Variants in HERC1 observed in about 807,000 individuals in gnomAD.
HERC1 encodes the protein HECT and RLD domain containing E3 ubiquitin protein ligase family member 1.
In HERC1, 160 loss-of-function variants were observed where a neutral mutation model predicts 554.3. The observed-to-expected ratio is 0.29, with a 90% confidence interval of 0.25 to 0.33. The LOEUF (loss-of-function observed/expected upper bound fraction) is 0.33, where lower values mean the gene tolerates loss of function less well. Ranked by LOEUF, HERC1 falls within the 10% of genes least tolerant of loss-of-function variation. The pLI, the probability that HERC1 is intolerant of heterozygous loss-of-function variation, is 1.00. For missense variants in HERC1, 4,919 were observed against 5,918.5 expected (o/e 0.83, Z 5.54); for synonymous variants, 2,175 against 2,131.7 (o/e 1.02, Z -0.56).
At chr15:63,664,758 C>T (rs550652753) in intron 42 of HERC1, among the ~76,000 whole-genome samples, 164 bp from the exon 43 acceptor site, 26 of 152,252 alleles carry the variant, frequency 1.7e-4, no homozygotes, top group Non-Finnish European at 3.1e-4. Flanking sequence ...TTCAATTATG[C>T]ATATAACATT....
In HERC1 at chr15:63,729,478, A is replaced by G. The variant is rs768189763; in HGVS notation, c.3021+19T>C. The G allele has an allele frequency of 1.7e-5, 28 of 1,609,402 alleles. No homozygotes were observed. The Admixed American group carries it at 2.0e-4, about 12-fold the overall frequency. On this transcript the variant is annotated intron_variant, in intron 15 of 77. Coordinates refer to ENST00000443617, the MANE Select transcript of HERC1 (RefSeq NM_003922.4). ...CAAGGTCCCTGATAGATCACCATAAAAGACAAATAATCGCATACCTCACTA... is the reference window on the plus strand; with the variant it reads ...CAAGGTCCCTGATAGATCACCATAAGAGACAAATAATCGCATACCTCACTA...
chr15:63,639,316 T>C (rs1293147033), intron 61 of HERC1, among the ~76,000 whole-genome samples: 1 of 152,260 alleles, frequency 6.6e-6, no homozygotes, highest in Admixed American at 6.5e-5. Flanking sequence ...CAAATACTTA[T>C]CACTGTTACA....
chr15:63,752,824 G>A, intron 8 of HERC1, 134 bp downstream of exon 8: 1 of 851,986 alleles, frequency 1.2e-6, no homozygotes, highest in East Asian at 2.7e-5. Flanking sequence ...TCAAACAGAA[G>A]AAGATATTTC....
intron 57 of HERC1, among the ~76,000 whole-genome samples, chr15:63,644,315 C>T (rs985959244): frequency 1.3e-5 from 2 of 152,222 alleles, no homozygotes; most frequent in Non-Finnish European, 2.9e-5. Context: ...TGCGATCTGA[C>T]TGGCCACTCA....
intron 24 of HERC1, among the ~76,000 whole-genome samples, chr15:63,708,874 C>A (rs1000616477): frequency 1.3e-5 from 2 of 152,226 alleles, no homozygotes; most frequent in Admixed American, 1.3e-4. Flanking sequence ...AAGCTGAAGG[C>A]TTAGCCCAGG....
chr15:63,626,862 C>A (rs1380521771), intron 70 of HERC1, among the ~76,000 whole-genome samples: 1 of 152,172 alleles, frequency 6.6e-6, no homozygotes, highest in East Asian at 1.9e-4. Flanking sequence ...CTTCTATGTG[C>A]CTGGCACTAT....
chr15:63,657,985 T>C (rs1430105075), intron 48 of HERC1, among the ~76,000 whole-genome samples: 1 of 152,236 alleles, frequency 6.6e-6, no homozygotes, highest in East Asian at 1.9e-4. Flanking sequence ...AACTCTCTTC[T>C]GTACTATCCT....
In HERC1 at chr15:63,824,002, T is replaced by C. The variant is rs2077795872; in HGVS notation, c.-27+9825A>G. On this transcript the variant is annotated intron_variant, in intron 1 of 77. Transcript: ENST00000443617. ...TTTTAAGACGGGCAAATGACTTGAA[T>C]AGATATTTCTCCAAATAGGACATAA... Among the ~76,000 whole-genome samples the C allele has an allele frequency of 3.3e-5, 5 of 152,094 alleles. No individual in the cohort carries two copies. In the South Asian group the frequency reaches 1.0e-3, roughly 31 times the overall value.
intron 24 of HERC1, among the ~76,000 whole-genome samples, chr15:63,708,100 T>C (rs1266363727): frequency 1.3e-5 from 2 of 152,128 alleles, no homozygotes; most frequent in Admixed American, 1.3e-4. Context: ...AAGTATTATA[T>C]ATTCTTGGAC....
intron 1 of HERC1, among the ~76,000 whole-genome samples, chr15:63,778,790 A>G (rs2076189482): frequency 6.6e-6 from 1 of 152,236 alleles, no homozygotes; most frequent in Admixed American, 6.5e-5. Flanking sequence ...TAAATTTTAC[A>G]TTTATCAATT....
intron 53 of HERC1, among the ~76,000 whole-genome samples, chr15:63,650,349 G>T (rs1007317886): frequency 6.6e-6 from 1 of 152,040 alleles, no homozygotes; most frequent in Non-Finnish European, 1.5e-5. Context: ...ACTCCAGCCT[G>T]AATGACAGAG....
chr15:63,812,761 T>C (rs935676887), intron 1 of HERC1, among the ~76,000 whole-genome samples: 3 of 151,972 alleles, frequency 2.0e-5, no homozygotes, highest in African/African-American at 7.3e-5. Context: ...ATCTACATGC[T>C]AAAAATTATA....
chr15:63,723,122 T>A (rs2073891618), intron 19 of HERC1, 60 bp downstream of exon 19: 2 of 1,073,410 alleles, frequency 1.9e-6, no homozygotes, highest in South Asian at 6.8e-5. Context: ...ATATTGCATA[T>A]ATATTTGCGA....
At chr15:63,821,726 CA>C (rs35074987) in intron 1 of HERC1, among the ~76,000 whole-genome samples, 25,679 of 62,440 alleles carry the variant, frequency 0.41, 2,617 homozygotes, top group Middle Eastern at 0.49. Flanking sequence ...TACCCTGTCT[CA>C]AAAAAAAAAA....
chr15:63,763,062 G>C (rs1020968711), intron 3 of HERC1, among the ~76,000 whole-genome samples: 1 of 152,124 alleles, frequency 6.6e-6, no homozygotes, highest in Non-Finnish European at 1.5e-5. Flanking sequence ...ATACCGTGGG[G>C]TCCCAGAGCT....
chr15:63,681,943 T>C (rs2071501463), intron 34 of HERC1, among the ~76,000 whole-genome samples: 1 of 152,224 alleles, frequency 6.6e-6, no homozygotes, highest in South Asian at 2.1e-4. Flanking sequence ...CATTATAATA[T>C]AAGTCTCCGT....
chr15:63,818,486 A>T (rs2077573147), intron 1 of HERC1, among the ~76,000 whole-genome samples: 1 of 152,250 alleles, frequency 6.6e-6, no homozygotes, highest in African/African-American at 2.4e-5. Flanking sequence ...GAAAGAACTG[A>T]AAGACATCTT....
chr15:63,740,365 A>G (rs981790418), intron 12 of HERC1, among the ~76,000 whole-genome samples: 2 of 152,252 alleles, frequency 1.3e-5, no homozygotes, highest in East Asian at 3.8e-4. Flanking sequence ...CCTTTTGACT[A>G]TTATAAATAA....
intron 1 of HERC1, among the ~76,000 whole-genome samples, chr15:63,817,081 T>A (rs1689306717): frequency 6.6e-6 from 1 of 152,090 alleles, no homozygotes; most frequent in Non-Finnish European, 1.5e-5. Context: ...GGGAAACTTA[T>A]CAGGGCAAAC....
Sources: allele counts gnomAD v4.1 joint callset (sites outside exome capture counted in the v4.1 genomes callset), GRCh38; gene constraint gnomAD v4.1.1; transcripts MANE v1.5; gene names NCBI Gene and HGNC (gene_info 2026-07-23, HGNC 2026-07-21).